Variants in SORCS1 observed in about 807,000 individuals in gnomAD.
SORCS1 encodes the protein VPS10 domain-containing receptor SorCS1.
SORCS1 carries 60 observed loss-of-function variants against 146.1 expected under a neutral mutation model. The observed-to-expected ratio is 0.41, with a 90% confidence interval of 0.33 to 0.51. SORCS1 has a LOEUF of 0.51. Among genes scored for constraint, SORCS1 ranks in the 20% least tolerant of loss-of-function variants. The pLI, the probability that SORCS1 is intolerant of heterozygous loss-of-function variation, is 0.21. For synonymous variants in SORCS1, 637 were observed against 584.0 expected (o/e 1.09, Z -1.31); for missense variants, 1,352 against 1,487.6 (o/e 0.91, Z 1.50).
intron 3 of SORCS1, among the ~76,000 whole-genome samples, chr10:106,798,241 C>A (rs897767231): frequency 6.6e-6 from 1 of 152,176 alleles, no homozygotes; most frequent in East Asian, 1.9e-4. Context: ...CTCCCCAGCC[C>A]CGTGCAACTT....
intron 2 of SORCS1, among the ~76,000 whole-genome samples, chr10:106,914,593 G>A (rs987834944): frequency 6.6e-6 from 1 of 152,046 alleles, no homozygotes; most frequent in African/African-American, 2.4e-5. Context: ...TGGTGACTCT[G>A]GATAAGTCAT....
chr10:106,808,071 A>T (rs998828202), intron 3 of SORCS1, among the ~76,000 whole-genome samples: 8 of 152,162 alleles, frequency 5.3e-5, no homozygotes, highest in Non-Finnish European at 1.0e-4. Context: ...CCCAGGCTGG[A>T]GCGCAATGGC....
chr10:107,131,798 C>G (rs891897308), intron 1 of SORCS1, among the ~76,000 whole-genome samples: 1 of 152,144 alleles, frequency 6.6e-6, no homozygotes, highest in African/African-American at 2.4e-5. Context: ...CATGAAAATC[C>G]TCTGTGACAA....
chr10:106,615,571 T>C (rs973528069), intron 21 of SORCS1, among the ~76,000 whole-genome samples: 3 of 152,124 alleles, frequency 2.0e-5, no homozygotes, highest in Non-Finnish European at 2.9e-5. Context: ...CTCAGTACTT[T>C]GGGAGGCTGA....
chr10:106,578,588 T>C, intron 25 of SORCS1: 1 of 910,410 alleles, frequency 1.1e-6, no homozygotes. Context: ...AAAAATTCCC[T>C]GGAGGATCAG....
intron 1 of SORCS1, among the ~76,000 whole-genome samples, chr10:107,033,075 C>T (rs964869153): frequency 6.6e-6 from 1 of 152,164 alleles, no homozygotes; most frequent in Non-Finnish European, 1.5e-5. Context: ...CACAGTTCTG[C>T]AGGTTGTACA....
chr10:106,941,447 C>T (rs555472514), intron 2 of SORCS1, among the ~76,000 whole-genome samples: 1 of 152,162 alleles, frequency 6.6e-6, no homozygotes, highest in African/African-American at 2.4e-5. Flanking sequence ...ATGGACAGAG[C>T]CTGGATTCCT....
At chr10:107,141,956 C>T (rs1967882561) in intron 1 of SORCS1, among the ~76,000 whole-genome samples, 2 of 152,174 alleles carry the variant, frequency 1.3e-5, no homozygotes. Flanking sequence ...TATGGGAAAG[C>T]AGTTCTTGGC....
At chr10:106,747,157 C>T (rs1036711230) in intron 5 of SORCS1, among the ~76,000 whole-genome samples, 2 of 152,214 alleles carry the variant, frequency 1.3e-5, no homozygotes, top group Non-Finnish European at 2.9e-5. Flanking sequence ...TCCCTCACCC[C>T]AGGGCACATC....
chr10:106,996,304 A>T (rs1216902558), intron 1 of SORCS1, among the ~76,000 whole-genome samples: 1 of 151,688 alleles, frequency 6.6e-6, no homozygotes, highest in Non-Finnish European at 1.5e-5. Flanking sequence ...GGGTCAGGGG[A>T]GTCAACTGAG....
chr10:106,704,524 C>T (rs1014209687), intron 8 of SORCS1, among the ~76,000 whole-genome samples: 6 of 151,968 alleles, frequency 3.9e-5, no homozygotes, highest in Admixed American at 6.6e-5. Flanking sequence ...AGTCTGTCTC[C>T]GCTAAAAATA....
intron 6 of SORCS1, among the ~76,000 whole-genome samples, chr10:106,727,081 G>C (rs1289499248): frequency 6.9e-6 from 1 of 145,866 alleles, no homozygotes; most frequent in Non-Finnish European, 1.5e-5. Context: ...GCGAGACTCT[G>C]TCTCAAAAAA....
chr10:106,891,861 G>A (rs904765064), intron 2 of SORCS1, among the ~76,000 whole-genome samples: 1 of 152,128 alleles, frequency 6.6e-6, no homozygotes, highest in African/African-American at 2.4e-5. Flanking sequence ...CTACTCCCAT[G>A]CCTAAATCAC....
At chr10:106,899,469 C>T (rs1469277698) in intron 2 of SORCS1, among the ~76,000 whole-genome samples, 4 of 152,104 alleles carry the variant, frequency 2.6e-5, no homozygotes, top group Non-Finnish European at 4.4e-5. Context: ...GGATAAGCTG[C>T]GGGACTATGA....
intron 1 of SORCS1, among the ~76,000 whole-genome samples, chr10:106,985,304 G>T (rs891705187): frequency 6.6e-6 from 1 of 152,068 alleles, no homozygotes; most frequent in East Asian, 1.9e-4. Context: ...AACATTACAT[G>T]AAATACGTTA....
intron 17 of SORCS1, chr10:106,667,447 T>C (rs1851247868): frequency 2.1e-6 from 1 of 470,902 alleles, no homozygotes; most frequent in Non-Finnish European, 3.8e-6. Context: ...TTTAATATCA[T>C]CATTGTGATC....
At chr10:106,972,385 A>AC (rs1259376195) in intron 1 of SORCS1, among the ~76,000 whole-genome samples, 1 of 151,602 alleles carries the variant, frequency 6.6e-6, no homozygotes, top group African/African-American at 2.4e-5. Context: ...TGTCTCAAAA[A>AC]AAAAAAAAAA....
At chr10:107,179,763 T>C in the SORCS1 span, among the ~76,000 whole-genome samples, 2 of 152,174 alleles carry the variant, frequency 1.3e-5, no homozygotes, top group Non-Finnish European at 2.9e-5. Context: ...ATTAAATTGT[T>C]TGATTTTACA....
chr10:107,142,932 T>C (rs897837816), intron 1 of SORCS1, among the ~76,000 whole-genome samples: 2 of 152,204 alleles, frequency 1.3e-5, no homozygotes, highest in African/African-American at 4.8e-5. Flanking sequence ...CCTCCCTGTA[T>C]GTAGTTTCTA....
Sources: gnomAD v4.1 joint callset for allele counts (sites outside exome capture counted in the v4.1 genomes callset) on GRCh38, gnomAD v4.1.1 for gene constraint, MANE v1.5 for transcripts, NCBI Gene and HGNC (gene_info 2026-07-23, HGNC 2026-07-21) for gene names.